CCS: variants seen among roughly 807,000 people sequenced by gnomAD.
CCS encodes superoxide dismutase copper chaperone.
A neutral mutation model predicts 35.5 loss-of-function variants in CCS; 32 were observed. That is an observed-to-expected ratio of 0.90 (90% CI 0.68 to 1.21). The LOEUF is 1.21. Among genes scored for constraint, CCS ranks in the 50% most tolerant of loss-of-function variants. The probability of loss-of-function intolerance (pLI) is 0.00; values close to 1 mark genes in which losing one functional copy is unlikely to be tolerated. For missense variants in CCS, 342 were observed against 375.4 expected (o/e 0.91, Z 0.73); for synonymous variants, 130 against 147.2 (o/e 0.88, Z 0.84).
At position 66,599,124 on chromosome 11, in the gene CCS, G is replaced by T. The variant is rs758837178; in HGVS notation, c.121G>T (p.Asp41Tyr). The change falls in exon 3 of 8, where the codon GAT becomes TAT. Residue 41 changes from aspartate to tyrosine, a missense_variant. Transcript: ENST00000533244. ...KSLQGVAGVQ[D>Y]VEVHLEDQMV... is the part of the protein sequence containing the mutation. ...CCTCTCTTTCTTGCCAGGTGTCCAG[G>T]ATGTGGAGGTGCACTTGGAGGACCA... 1 of 1,614,008 alleles carries T rather than the reference G, an allele frequency of 6.2e-7. No homozygotes were observed. The highest frequency in any genetic ancestry group is 8.5e-7 in the Non-Finnish European group (1 of 1,180,032).
Position 66,605,906 on chromosome 11 carries a change from A to G in CCS, c.*51A>G. 1 of 1,449,350 alleles carries G rather than the reference A, an allele frequency of 6.9e-7. No homozygotes were observed. The highest frequency in any genetic ancestry group is 2.4e-5 in the East Asian group (1 of 41,838). 89.8% of individuals were successfully genotyped at this position (1,449,350 alleles called of 1,614,324 possible). A position where few individuals can be genotyped will look rare whatever the true frequency, so the allele number is the denominator to read the frequency against. ...CTGTCCTCCAGGGCGAGCACTTTCC[A>G]CTTCCAGAGGGGGCCAGAGGGACTT... is the stretch of plus-strand genomic sequence containing the variant. On this transcript the variant is annotated 3_prime_UTR_variant, in exon 8 of 8. Transcript: ENST00000533244.
intron 2 of CCS, among the ~76,000 whole-genome samples, chr11:66,594,232 G>C (rs59431265): frequency 2.0e-5 from 3 of 151,970 alleles, no homozygotes; most frequent in Non-Finnish European, 4.4e-5. Flanking sequence ...GGTGGTGGGC[G>C]CCTGTAGTCC....
intron 2 of CCS, among the ~76,000 whole-genome samples, chr11:66,596,140 T>C (rs1228162808): frequency 6.6e-6 from 1 of 152,124 alleles, no homozygotes; most frequent in East Asian, 1.9e-4. Flanking sequence ...CCATCTCAGC[T>C]CACTGCAACC....
At chr11:66,604,028 CAATA>C (rs375346415) in intron 5 of CCS, among the ~76,000 whole-genome samples, 67 of 150,244 alleles carry the variant, frequency 4.5e-4, no homozygotes, top group Non-Finnish European at 6.7e-4. Flanking sequence ...GACTCTGTCT[CAATA>C]AATAAATAAA....
At position 66,605,264 on chromosome 11, in the gene CCS, A is replaced by T. The variant is rs1416188843; in HGVS notation, c.490-75A>T. ...TAGGGAAGCAGGAAGAGGCGTCGGA[A>T]TCAGGAAATCAGAAGATAGCAGCTT... On this transcript the variant is annotated intron_variant, in intron 5 of 7. Coordinates refer to ENST00000533244, the MANE Select transcript of CCS (RefSeq NM_005125.2). 1.9e-6 allele frequency: 3 copies of T among 1,597,688 alleles called. No individual in the cohort carries two copies. In the East Asian group the frequency reaches 6.7e-5, roughly 36 times the overall value.
At chr11:66,596,432 T>G (rs1218261409) in intron 2 of CCS, among the ~76,000 whole-genome samples, 3 of 146,630 alleles carry the variant, frequency 2.0e-5, no homozygotes, top group South Asian at 2.2e-4. Context: ...CAGGCTGGAG[T>G]GCAGTGGCGC....
intron 5 of CCS, among the ~76,000 whole-genome samples, chr11:66,603,296 C>T (rs1007256279): frequency 1.1e-4 from 17 of 152,248 alleles, no homozygotes; most frequent in South Asian, 4.1e-4. Context: ...CTCCTCCAGC[C>T]GGGCACAGTG....
At chr11:66,599,280 C>T in intron 3 of CCS, 27 bp downstream of exon 3, 1 of 1,563,900 alleles carries the variant, frequency 6.4e-7, no homozygotes, top group South Asian at 1.2e-5. Flanking sequence ...GCCTTGGCCC[C>T]TCTCGGAGGG....
chr11:66,600,496 A>T lies in CCS; in HGVS notation c.436A>T (p.Asn146Tyr). 1 of 1,547,154 alleles carries T rather than the reference A, an allele frequency of 6.5e-7. No individual in the cohort carries two copies. Among genetic ancestry groups the T allele is most frequent in the Non-Finnish European group, 8.7e-7 (1 of 1,144,026 alleles). The change falls in exon 5 of 8, where the codon AAT becomes TAT. Residue 146 changes from asparagine to tyrosine, a missense_variant. Transcript: ENST00000533244. The stretch of plus-strand genomic sequence containing the variant: ...GTTTCCTTTCTTTCTTAGCTGTGGG[A>T]ATCACTTTAACCCTGATGGAGCATC... The part of the protein sequence containing the change: ...DLTNNCNSCG[N>Y]HFNPDGASHG...
chr11:66,598,701 T>C (rs543726690), intron 2 of CCS, among the ~76,000 whole-genome samples: 1 of 152,010 alleles, frequency 6.6e-6, no homozygotes, highest in South Asian at 2.1e-4. Flanking sequence ...TCCTGAATAG[T>C]ATTTCATTGT....
chr11:66,604,047 TAAA>T (rs756483155), intron 5 of CCS, among the ~76,000 whole-genome samples: 16,423 of 149,906 alleles, frequency 0.11, 1,146 homozygotes, highest in Non-Finnish European at 0.16. Flanking sequence ...AATAAATAAA[TAAA>T]TAAATTAATT....
At position 66,599,542 on chromosome 11, in the gene CCS, C is replaced by T. The variant is rs776789603; in HGVS notation, c.334C>T (p.Arg112Cys). Residue 112 changes from arginine (R) to cysteine (C), a missense_variant, in exon 4 of 8, where the codon CGC (arginine) becomes TGC (cysteine). Coordinates refer to ENST00000533244, the MANE Select transcript of CCS (RefSeq NM_005125.2). ...GCGCTTCCTACAGCTGACCCCTGAG[C>T]GCTGCCTCATCGAGGGAACTATTGA... is the stretch of plus-strand genomic sequence containing the variant. Reference protein sequence around the residue: ...VVRFLQLTPERCLIEGTIDGL... With the variant: ...VVRFLQLTPECCLIEGTIDGL... 4.5e-5 allele frequency: 72 copies of T among 1,603,090 alleles called. No homozygotes were observed. Among genetic ancestry groups the T allele is most frequent in the Non-Finnish European group, 5.7e-5 (67 of 1,175,192 alleles).
chr11:66,594,908 A>G (rs2134977827), intron 2 of CCS, among the ~76,000 whole-genome samples: 1 of 152,308 alleles, frequency 6.6e-6, no homozygotes, highest in African/African-American at 2.4e-5. Flanking sequence ...TGAGCATGCA[A>G]GCGTTGCCTG....
At position 66,605,933 on chromosome 11, in the gene CCS, G is replaced by C. The variant is rs1367186809; in HGVS notation, c.*78G>C. The stretch of plus-strand genomic sequence containing the variant: ...TTCCAGAGGGGGCCAGAGGGACTTT[G>C]CCTGCCCAGTCTTTGGAGAGCTCAG... On this transcript the variant is annotated 3_prime_UTR_variant, in exon 8 of 8. Transcript: ENST00000533244. 4 of 1,406,296 alleles carry C rather than the reference G, an allele frequency of 2.8e-6. No individual in the cohort carries two copies. The highest frequency in any genetic ancestry group is 3.7e-6 in the Non-Finnish European group (4 of 1,072,810). The allele number at this position is 1,406,296 out of a possible 1,614,324, so 87.1% of individuals were successfully genotyped here.
rs201630725 is a variant in CCS, at chr11:66,599,515, G to C, written c.307G>C (p.Val103Leu). The change falls in exon 4 of 8, where the codon GTG becomes CTG. Residue 103 changes from valine to leucine, a missense_variant. Transcript: ENST00000533244. ...GGGGCCTGGCACCGTGCAGGGGGTGGTGCGCTTCCTACAGCTGACCCCTGA... is the reference window on the plus strand; with the variant it reads ...GGGGCCTGGCACCGTGCAGGGGGTGCTGCGCTTCCTACAGCTGACCCCTGA... ...LGGPGTVQGV[V>L]RFLQLTPERC... 1.3e-5 allele frequency: 21 copies of C among 1,584,568 alleles called. No individual in the cohort carries two copies. Among genetic ancestry groups the C allele is most frequent in the Non-Finnish European group, 1.8e-5 (21 of 1,166,910 alleles).
chr11:66,593,346 C>T, intron 1 of CCS, 46 bp downstream of exon 1: 2 of 1,477,046 alleles, frequency 1.4e-6, no homozygotes, highest in Non-Finnish European at 1.8e-6. Flanking sequence ...CAGAGAGCCT[C>T]GGCCCCTGGG....
chr11:66,597,889 C>G (rs911970620), intron 2 of CCS, among the ~76,000 whole-genome samples: 2 of 151,980 alleles, frequency 1.3e-5, no homozygotes, highest in African/African-American at 4.8e-5. Context: ...CCACTGCTCT[C>G]CAGCCTAGGT....
intron 2 of CCS, among the ~76,000 whole-genome samples, chr11:66,596,480 T>C (rs955335918): frequency 1.3e-5 from 2 of 151,570 alleles, no homozygotes; most frequent in African/African-American, 4.9e-5. Flanking sequence ...CCCGGGTTCA[T>C]GCCATTCTCC....
chr11:66,600,670 T>C, intron 5 of CCS, 121 bp downstream of exon 5: 1 of 504,830 alleles, frequency 2.0e-6, no homozygotes, highest in Non-Finnish European at 3.6e-6. Flanking sequence ...TTTCCTCTCA[T>C]TTTATTTTGC....
Sources: gnomAD v4.1 joint callset for allele counts (sites outside exome capture counted in the v4.1 genomes callset) on GRCh38, gnomAD v4.1.1 for gene constraint, MANE v1.5 for transcripts, NCBI Gene and HGNC (gene_info 2026-07-23, HGNC 2026-07-21) for gene names.